Variants in LRRTM4 observed in about 807,000 individuals in gnomAD.
The protein encoded by LRRTM4 is leucine-rich repeat transmembrane neuronal protein 4.
A neutral mutation model predicts 47.6 loss-of-function variants in LRRTM4; 25 were observed. The observed-to-expected ratio is 0.53, with a 90% CI of 0.38 to 0.73. LRRTM4 has a LOEUF of 0.73. Ranked by LOEUF, LRRTM4 falls within the 30% of genes least tolerant of loss-of-function variation. LRRTM4 has a pLI of 0.00. For synonymous variants in LRRTM4, 311 were observed against 269.5 expected (o/e 1.15, Z -1.51); for missense variants, 638 against 713.4 (o/e 0.89, Z 1.20).
At chr2:76,772,223 T>A (rs904607060) in intron 3 of LRRTM4, among the ~76,000 whole-genome samples, 1 of 152,076 alleles carries the variant, frequency 6.6e-6, no homozygotes, top group Non-Finnish European at 1.5e-5. Flanking sequence ...GCAGACACAT[T>A]GAGAAGACGG....
At position 76,862,083 on chromosome 2, in the gene LRRTM4, T is replaced by A. The variant is rs568850416; in HGVS notation, c.1552-113167A>T. On this transcript the variant is annotated intron_variant, in intron 3 of 3. Transcript: ENST00000409884. ...CTTGCTAATTTAGGCTTTTTTTTTT[T>A]AAATAAAGCAAGTGTTTTATTTTCA... Among the ~76,000 whole-genome samples, 326 of 151,646 alleles carry A rather than the reference T, an allele frequency of 2.1e-3. 1 individual carries two copies. Among genetic ancestry groups the A allele is most frequent in the African/African-American group, 7.8e-3 (320 of 41,024 alleles).
intron 3 of LRRTM4, among the ~76,000 whole-genome samples, chr2:76,954,737 C>T (rs1286867635): frequency 1.3e-5 from 2 of 151,694 alleles, no homozygotes; most frequent in South Asian, 4.1e-4. Context: ...CGCTGATATA[C>T]GCGATAATAA....
intron 3 of LRRTM4, among the ~76,000 whole-genome samples, chr2:77,145,776 A>AAAAT (rs71381266): frequency 0.21 from 30,786 of 147,882 alleles, 3,586 homozygotes; most frequent in Admixed American, 0.28. Flanking sequence ...TCCGTCTCAA[A>AAAAT]AAATAAATAA....
At chr2:76,841,270 T>G (rs1299348641) in intron 3 of LRRTM4, among the ~76,000 whole-genome samples, 3 of 148,204 alleles carry the variant, frequency 2.0e-5, no homozygotes, top group East Asian at 2.0e-4. Flanking sequence ...CTCTGGGGAC[T>G]GTTGTGGGGT....
At chr2:77,239,142 G>C (rs1675191723) in intron 3 of LRRTM4, among the ~76,000 whole-genome samples, 1 of 151,722 alleles carries the variant, frequency 6.6e-6, no homozygotes, top group Non-Finnish European at 1.5e-5. Flanking sequence ...AAATGTAATT[G>C]AATTTCCAAA....
intron 3 of LRRTM4, among the ~76,000 whole-genome samples, chr2:77,094,943 A>C (rs188962781): frequency 2.8e-3 from 433 of 152,302 alleles, no homozygotes; most frequent in African/African-American, 8.6e-3. Context: ...GATTGTACCA[A>C]CCTAAAAGCT....
chr2:76,876,976 G>T (rs1672796359), intron 3 of LRRTM4, among the ~76,000 whole-genome samples: 1 of 151,998 alleles, frequency 6.6e-6, no homozygotes, highest in African/African-American at 2.4e-5. Flanking sequence ...AAATATTAGT[G>T]ATACACAGTT....
chr2:77,422,896 T>C (rs1215295539), intron 3 of LRRTM4, among the ~76,000 whole-genome samples: 4 of 152,096 alleles, frequency 2.6e-5, no homozygotes, highest in African/African-American at 9.7e-5. Flanking sequence ...AATAAAAGTT[T>C]TTAAAGTTTA....
intron 3 of LRRTM4, among the ~76,000 whole-genome samples, chr2:77,353,268 A>G (rs1382489838): frequency 6.6e-6 from 1 of 152,200 alleles, no homozygotes; most frequent in Non-Finnish European, 1.5e-5. Context: ...GCACAAATAA[A>G]ATAAAATTAA....
Position 77,519,349 on chromosome 2 carries a change from T to C in LRRTM4, c.520A>G (p.Ile174Val), listed in dbSNP as rs565553855. Residue 174 changes from isoleucine (I) to valine (V), a missense_variant, in exon 3 of 4, where the codon ATA (isoleucine) becomes GTA (valine). Coordinates refer to ENST00000409884, the MANE Select transcript of LRRTM4 (RefSeq NM_001134745.3). This position sits in a 1 kb window ranked among gnomAD's most constrained non-coding sequence, Gnocchi z 4.6. ...LRSNSLKTVP[I>V]RVFQDCRNLD... ...TTCCGACAGTCTTGAAAAACTCTTA[T>C]GGGCACAGTCTTTAGTGAGTTAGAT... 33 of 1,613,470 alleles carry C rather than the reference T, an allele frequency of 2.0e-5. No individual in the cohort carries two copies. Among genetic ancestry groups the C allele is most frequent in the Non-Finnish European group, 2.5e-5 (30 of 1,179,606 alleles).
intron 3 of LRRTM4, among the ~76,000 whole-genome samples, chr2:76,943,293 A>G (rs76745646): frequency 0.058 from 8,852 of 152,090 alleles, 600 homozygotes; most frequent in African/African-American, 0.15. Flanking sequence ...AAAATTAGCC[A>G]GGCATGGTGG....
At chr2:76,949,092 G>T (rs1675417265) in intron 3 of LRRTM4, among the ~76,000 whole-genome samples, 1 of 141,714 alleles carries the variant, frequency 7.1e-6, no homozygotes, top group Admixed American at 6.8e-5. Context: ...GTGCTTTGGG[G>T]AAAATAAAGA....
intron 3 of LRRTM4, among the ~76,000 whole-genome samples, chr2:77,443,573 A>C (rs998925546): frequency 2.0e-5 from 3 of 152,134 alleles, no homozygotes; most frequent in Non-Finnish European, 4.4e-5. Context: ...ACACTCAATA[A>C]ATTCTAACTA....
rs572878108 is a variant in LRRTM4, at chr2:77,189,956, T to C, written c.1551+328362A>G. On this transcript the variant is annotated intron_variant, in intron 3 of 3. Coordinates refer to ENST00000409884, the MANE Select transcript of LRRTM4 (RefSeq NM_001134745.3). ...TTTCTGAATCAAGGGAGGCAACAAA[T>C]GTATTTTGAGTTTCAGAGAAATAGT... is the stretch of plus-strand genomic sequence containing the variant. Among the ~76,000 whole-genome samples, 16 of 152,214 alleles carry C rather than the reference T, an allele frequency of 1.1e-4. No homozygotes were observed. In the South Asian group the frequency reaches 3.3e-3, roughly 32 times the overall value.
At chr2:76,886,221 C>T (rs1673072015) in intron 3 of LRRTM4, among the ~76,000 whole-genome samples, 1 of 152,132 alleles carries the variant, frequency 6.6e-6, no homozygotes, top group South Asian at 2.1e-4. Context: ...GTACCTATCT[C>T]AAATGAATGC....
intron 3 of LRRTM4, among the ~76,000 whole-genome samples, chr2:76,801,749 T>C (rs1675699479): frequency 6.6e-6 from 1 of 151,916 alleles, no homozygotes; most frequent in African/African-American, 2.4e-5. Context: ...CTAAATTCAA[T>C]AGCACATTAA....
At chr2:76,855,055 T>G (rs2103986594) in intron 3 of LRRTM4, among the ~76,000 whole-genome samples, 1 of 152,262 alleles carries the variant, frequency 6.6e-6, no homozygotes, top group African/African-American at 2.4e-5. Context: ...ACCAAAATTT[T>G]GAAAGAGAAG....
chr2:76,838,076 T>G (rs1388504381), intron 3 of LRRTM4, among the ~76,000 whole-genome samples: 1 of 146,068 alleles, frequency 6.8e-6, no homozygotes, highest in Non-Finnish European at 1.5e-5. Context: ...CCCTAAAACT[T>G]AAAGTATAAT....
At chr2:77,276,335 AG>A (rs572159338) in intron 3 of LRRTM4, among the ~76,000 whole-genome samples, 1 of 140,650 alleles carries the variant, frequency 7.1e-6, no homozygotes, top group African/African-American at 2.8e-5. Context: ...GAAGGAAGGA[AG>A]GAAGGAAGGA....
Sources: gnomAD v4.1 joint callset for allele counts (sites outside exome capture counted in the v4.1 genomes callset) on GRCh38, gnomAD v4.1.1 for gene constraint, Gnocchi (gnomAD v3.1) non-coding constraint, MANE v1.5 for transcripts, NCBI Gene and HGNC (gene_info 2026-07-23, HGNC 2026-07-21) for gene names.